Variants in SHANK2 observed in about 807,000 individuals in gnomAD.
SHANK2 encodes the protein SH3 and multiple ankyrin repeat domains protein 2.
SHANK2 carries 43 observed loss-of-function variants against 133.7 expected under a neutral mutation model. The observed-to-expected ratio is 0.32, with a 90% CI of 0.25 to 0.41. SHANK2 has a LOEUF of 0.41. Ranked by LOEUF, SHANK2 falls within the 10% of genes least tolerant of loss-of-function variation. The probability of loss-of-function intolerance (pLI) is 1.00; values close to 1 mark genes in which losing one functional copy is unlikely to be tolerated. For synonymous variants in SHANK2, 1,017 were observed against 952.8 expected (o/e 1.07, Z -1.24); for missense variants, 1,994 against 2,235.8 (o/e 0.89, Z 2.18).
intron 11 of SHANK2, 107 bp from the exon 12 acceptor site, chr11:70,820,789 G>A (rs781853498): frequency 2.1e-4 from 119 of 569,110 alleles, no homozygotes; most frequent in Non-Finnish European, 3.1e-4. Context: ...GCCCCCATGC[G>A]AGCCCAGCAG....
intron 10 of SHANK2, chr11:70,949,976 C>T (rs1042530329): frequency 1.8e-5 from 8 of 443,444 alleles, no homozygotes; most frequent in Admixed American, 9.6e-5. Context: ...CCGGTAGGTG[C>T]GGTGCCTGGG....
intron 17 of SHANK2, among the ~76,000 whole-genome samples, chr11:70,587,230 A>G (rs1415284697): frequency 6.6e-6 from 1 of 152,164 alleles, no homozygotes; most frequent in Non-Finnish European, 1.5e-5. Context: ...CAGGGATGCC[A>G]CGCCACATGA....
intron 10 of SHANK2, among the ~76,000 whole-genome samples, chr11:70,904,512 T>C (rs1406806071): frequency 4.1e-5 from 1 of 24,426 alleles, no homozygotes; most frequent in East Asian, 3.0e-3. Context: ...TCTGATGGGT[T>C]TTTTTTTTTT....
At chr11:70,498,601 A>G (rs1033977470) in intron 21 of SHANK2, among the ~76,000 whole-genome samples, 1 of 152,248 alleles carries the variant, frequency 6.6e-6, no homozygotes, top group South Asian at 2.1e-4. Context: ...TGCTCAGAGA[A>G]CACTTAAAGA....
At chr11:70,893,276 A>G (rs536934087) in intron 11 of SHANK2, among the ~76,000 whole-genome samples, 3 of 152,354 alleles carry the variant, frequency 2.0e-5, no homozygotes, top group South Asian at 2.1e-4. Context: ...TTAGCAAGAC[A>G]CATGCAGGCA....
At chr11:71,146,102 A>T (rs1233748205) in intron 3 of SHANK2, among the ~76,000 whole-genome samples, 1 of 152,198 alleles carries the variant, frequency 6.6e-6, no homozygotes, top group African/African-American at 2.4e-5. Context: ...CCCCAGGTGG[A>T]CAGACGGCGT....
intron 12 of SHANK2, among the ~76,000 whole-genome samples, chr11:70,808,950 C>T (rs34290005): frequency 0.021 from 3,174 of 152,254 alleles, 118 homozygotes; most frequent in African/African-American, 0.071. Flanking sequence ...AACTCATATC[C>T]GTTCTTGCTG....
intron 1 of SHANK2, among the ~76,000 whole-genome samples, chr11:71,228,774 A>T (rs1379650806): frequency 6.6e-6 from 1 of 152,232 alleles, no homozygotes; most frequent in Non-Finnish European, 1.5e-5. Context: ...TTAATTAATA[A>T]TTTTTTAAAA....
chr11:70,747,949 A>G (rs1351798007), intron 14 of SHANK2, among the ~76,000 whole-genome samples: 4 of 152,228 alleles, frequency 2.6e-5, no homozygotes, highest in African/African-American at 9.6e-5. Flanking sequence ...GTATACATGG[A>G]CAATAATAAA....
rs577015781 is a variant in SHANK2, at chr11:70,486,723, G to A, written c.3570C>T (p.Ser1190=). Residue 1190 remains serine, a synonymous_variant, in exon 25 of 26, where the codon TCC becomes TCT. Transcript: ENST00000601538. The surrounding 1 kb of genome is among the most constrained non-coding windows in gnomAD (Gnocchi z 8.0). ...QGPESSPAVP[S]ASSGTAGPGN... is the part of the protein sequence containing the mutation. The stretch of plus-strand genomic sequence containing the variant: ...CGGGGCCGGCTGTGCCGCTGCTCGC[G>A]GAGGGCACTGCTGGGCTGCTCTCGG... The A allele has an allele frequency of 6.2e-6, 10 of 1,610,422 alleles. No homozygotes were observed. Among genetic ancestry groups the A allele is most frequent in the East Asian group, 2.2e-5 (1 of 44,856 alleles).
intron 11 of SHANK2, among the ~76,000 whole-genome samples, chr11:70,877,213 G>A (rs540315048): frequency 2.6e-5 from 4 of 152,310 alleles, no homozygotes; most frequent in South Asian, 2.1e-4. Flanking sequence ...TTTGTGCCCC[G>A]CTCGCTGGAT....
intron 9 of SHANK2, among the ~76,000 whole-genome samples, chr11:71,071,290 G>GT (rs1951138076): frequency 6.6e-6 from 1 of 152,150 alleles, no homozygotes; most frequent in Non-Finnish European, 1.5e-5. Flanking sequence ...TTCACACCCC[G>GT]TGGCATACCT....
intron 17 of SHANK2, among the ~76,000 whole-genome samples, chr11:70,615,472 C>T (rs534702760): frequency 4.6e-4 from 70 of 152,230 alleles, no homozygotes; most frequent in African/African-American, 1.6e-3. Flanking sequence ...ACACTTTAGT[C>T]CAAAAGTCAT....
intron 14 of SHANK2, among the ~76,000 whole-genome samples, chr11:70,704,135 G>A (rs908522484): frequency 2.6e-5 from 4 of 152,258 alleles, no homozygotes. Context: ...AGGAAGAAGG[G>A]CAGGAACAGA....
intron 11 of SHANK2, chr11:70,863,236 G>C (rs1590770432): frequency 4.6e-6 from 2 of 432,460 alleles, no homozygotes; most frequent in Non-Finnish European, 9.4e-6. Flanking sequence ...ACTGGTGTGG[G>C]CTCCATGAGG....
At chr11:70,709,514 A>G (rs1198512254) in intron 14 of SHANK2, among the ~76,000 whole-genome samples, 1 of 152,210 alleles carries the variant, frequency 6.6e-6, no homozygotes, top group African/African-American at 2.4e-5. Context: ...AGATGGGGAA[A>G]TATCATATGT....
chr11:70,904,822 A>G (rs1565396521), intron 10 of SHANK2, among the ~76,000 whole-genome samples: 1 of 152,062 alleles, frequency 6.6e-6, no homozygotes, highest in Admixed American at 6.6e-5. Context: ...CGATCGTTTT[A>G]AAAAGGGGAG....
chr11:71,252,079 C>T lies in SHANK2; in HGVS notation c.-113+346G>A, dbSNP rs1948193105. ...GTTCCAGAGGAAGGGGCAGGACGCG[C>T]CAGAGACTACGTGGTCCATGCGCGC... On this transcript the variant is annotated intron_variant, in intron 1 of 25. Coordinates refer to ENST00000601538, the MANE Select transcript of SHANK2 (RefSeq NM_012309.5). The surrounding 1 kb of genome is among the most constrained non-coding windows in gnomAD (Gnocchi z 6.3). 6.6e-6 allele frequency among the ~76,000 whole-genome samples: 1 copy of T among 152,068 alleles called. No homozygotes were observed. Among genetic ancestry groups the T allele is most frequent in the Non-Finnish European group, 1.5e-5 (1 of 68,014 alleles).
intron 1 of SHANK2, chr11:71,240,684 C>A (rs1166986536): frequency 4.6e-5 from 7 of 152,232 alleles, no homozygotes; most frequent in Admixed American, 3.9e-4. Context: ...AATACCAACA[C>A]TTTGGGAGGC....
Sources: gnomAD v4.1 joint callset for allele counts (sites outside exome capture counted in the v4.1 genomes callset) on GRCh38, gnomAD v4.1.1 for gene constraint, Gnocchi (gnomAD v3.1) non-coding constraint, MANE v1.5 for transcripts, NCBI Gene and HGNC (gene_info 2026-07-23, HGNC 2026-07-21) for gene names.